EYS: variants seen among roughly 807,000 people sequenced by gnomAD.
EYS encodes protein eyes shut homolog.
EYS carries 250 observed loss-of-function variants against 282.1 expected under a neutral mutation model. The ratio of observed to expected loss-of-function variants is 0.89; its 90% CI spans 0.80 to 0.98. The LOEUF is 0.98. Among genes scored for constraint, EYS ranks in the 50% least tolerant of loss-of-function variants. The probability of loss-of-function intolerance (pLI) is 0.00; values close to 1 mark genes in which losing one functional copy is unlikely to be tolerated. For synonymous variants in EYS, 1,355 were observed against 1,282.9 expected (o/e 1.06, Z -1.20); for missense variants, 4,016 against 3,709.0 (o/e 1.08, Z -2.15).
intron 14 of EYS, among the ~76,000 whole-genome samples, chr6:64,975,837 T>C (rs1190731896): frequency 6.6e-6 from 1 of 151,866 alleles, no homozygotes; most frequent in African/African-American, 2.4e-5. Context: ...TTATTGAAAA[T>C]ATATGTTAAA....
rs1171736217 is a variant in EYS at position 64,950,798 on chromosome 6, CATATATATATAT to C, written c.2260-4896_2260-4885del. 1.2e-3 allele frequency among the ~76,000 whole-genome samples: 67 copies of C among 54,236 alleles called. 1 individual carries two copies. Among genetic ancestry groups the C allele is most frequent in the African/African-American group, 2.4e-3 (33 of 13,756 alleles). The allele number at this position is 54,236 out of a possible 152,430, so 35.6% of individuals were successfully genotyped here. A position where few individuals can be genotyped will look rare whatever the true frequency, so the allele number is the denominator to read the frequency against. On this transcript the variant is annotated intron_variant, in intron 14 of 42. Coordinates refer to ENST00000503581, the MANE Select transcript of EYS (RefSeq NM_001142800.2). ...AAAAATATATACACATATACATATA[CATATATATATAT>C]ATATATATATATATATATATATATT...
At chr6:64,719,302 C>T (rs1003862050) in intron 22 of EYS, among the ~76,000 whole-genome samples, 2 of 152,050 alleles carry the variant, frequency 1.3e-5, no homozygotes, top group Admixed American at 1.3e-4. Flanking sequence ...TTCTGACCTA[C>T]GGAGTTCTGG....
intron 13 of EYS, among the ~76,000 whole-genome samples, chr6:65,016,825 A>G (rs938629397): frequency 3.9e-5 from 6 of 152,292 alleles, no homozygotes; most frequent in South Asian, 2.1e-4. Context: ...AAAACTCATT[A>G]TTCATATACT....
intron 5 of EYS, among the ~76,000 whole-genome samples, chr6:65,442,613 G>C (rs936255093): frequency 5.9e-5 from 9 of 151,696 alleles, no homozygotes; most frequent in Non-Finnish European, 1.3e-4. Context: ...AATTAGCAGG[G>C]CTTAGTGGAG....
intron 26 of EYS, among the ~76,000 whole-genome samples, chr6:64,459,371 T>C (rs921107810): frequency 2.6e-5 from 4 of 152,168 alleles, no homozygotes; most frequent in African/African-American, 9.7e-5. Flanking sequence ...AATCCTTATT[T>C]TTTCTTAAAC....
intron 8 of EYS, among the ~76,000 whole-genome samples, chr6:65,380,305 G>T (rs1181916817): frequency 6.6e-6 from 1 of 152,072 alleles, no homozygotes; most frequent in Non-Finnish European, 1.5e-5. Context: ...AAAGGATTCA[G>T]AAGTAACACC....
At chr6:64,421,476 G>A (rs771987328) in intron 28 of EYS, among the ~76,000 whole-genome samples, 27 of 152,066 alleles carry the variant, frequency 1.8e-4, no homozygotes, top group Non-Finnish European at 3.1e-4. Flanking sequence ...TTTCTCATTA[G>A]TATAACTCTT....
intron 31 of EYS, among the ~76,000 whole-genome samples, chr6:64,208,615 A>C (rs191943016): frequency 2.3e-3 from 344 of 152,294 alleles, no homozygotes; most frequent in African/African-American, 7.7e-3. Context: ...AAAAATGTAT[A>C]AAATGTAAAT....
At chr6:64,655,060 A>G (rs142816510) in intron 22 of EYS, among the ~76,000 whole-genome samples, 21 of 151,850 alleles carry the variant, frequency 1.4e-4, no homozygotes, top group African/African-American at 4.6e-4. Flanking sequence ...TAAAAACGTG[A>G]AAAAAATCGA....
intron 26 of EYS, among the ~76,000 whole-genome samples, chr6:64,575,709 A>T (rs1173603506): frequency 6.6e-6 from 1 of 152,150 alleles, no homozygotes; most frequent in Non-Finnish European, 1.5e-5. Flanking sequence ...AGTCAAAGGT[A>T]TGGTACATAG....
intron 2 of EYS, among the ~76,000 whole-genome samples, chr6:65,552,588 C>T (rs1768634204): frequency 6.6e-6 from 1 of 152,000 alleles, no homozygotes; most frequent in African/African-American, 2.4e-5. Context: ...TGACACTATA[C>T]ACATAGCTGA....
At chr6:65,589,367 T>G (rs1388056298) in intron 2 of EYS, among the ~76,000 whole-genome samples, 1 of 152,088 alleles carries the variant, frequency 6.6e-6, no homozygotes, top group Non-Finnish European at 1.5e-5. Context: ...TTCGTCAGTC[T>G]GCAATTATCT....
At chr6:65,027,953 AT>A (rs925882309) in intron 13 of EYS, among the ~76,000 whole-genome samples, 2 of 152,180 alleles carry the variant, frequency 1.3e-5, no homozygotes, top group Non-Finnish European at 2.9e-5. Context: ...GGTAAAGTGA[AT>A]ACTTAATTAA....
intron 14 of EYS, among the ~76,000 whole-genome samples, chr6:64,959,549 T>G (rs533533632): frequency 4.4e-4 from 67 of 152,176 alleles, no homozygotes; most frequent in Non-Finnish European, 8.7e-4. Context: ...TAGGCAGATG[T>G]CAGGGTATTT....
At chr6:64,039,615 T>C (rs1470769737) in intron 33 of EYS, among the ~76,000 whole-genome samples, 2 of 152,190 alleles carry the variant, frequency 1.3e-5, no homozygotes, top group East Asian at 3.8e-4. Flanking sequence ...AAATATGTGC[T>C]GCAGTCTTAA....
intron 2 of EYS, among the ~76,000 whole-genome samples, chr6:65,599,606 T>A (rs1765543873): frequency 6.6e-6 from 1 of 152,110 alleles, no homozygotes; most frequent in South Asian, 2.1e-4. Context: ...AAAATATAAA[T>A]TTTATGTTTC....
At chr6:63,809,843 A>T (rs1028557894) in intron 36 of EYS, among the ~76,000 whole-genome samples, 1 of 152,212 alleles carries the variant, frequency 6.6e-6, no homozygotes, top group Admixed American at 6.5e-5. Flanking sequence ...AAGGGTATAA[A>T]ATTCTATTTT....
intron 2 of EYS, among the ~76,000 whole-genome samples, chr6:65,542,566 A>T (rs1582435238): frequency 6.6e-6 from 1 of 151,930 alleles, no homozygotes; most frequent in African/African-American, 2.4e-5. Flanking sequence ...TCACTGTATT[A>T]AAAAATTAGA....
chr6:64,026,545 T>C (rs928694756), intron 33 of EYS, among the ~76,000 whole-genome samples: 5 of 152,200 alleles, frequency 3.3e-5, no homozygotes, highest in African/African-American at 1.2e-4. Context: ...AATACTATCC[T>C]GCAGCTTGAC....
Sources: allele counts gnomAD v4.1 joint callset (sites outside exome capture counted in the v4.1 genomes callset), GRCh38; gene constraint gnomAD v4.1.1; transcripts MANE v1.5; gene names NCBI Gene and HGNC (gene_info 2026-07-23, HGNC 2026-07-21).